Variants in GSTCD observed in about 807,000 individuals in gnomAD.
GSTCD encodes glutathione S-transferase C-terminal domain containing.
Under a neutral mutation model 68.3 loss-of-function variants are expected in GSTCD, and 44 were observed. The ratio of observed to expected loss-of-function variants is 0.64; its 90% CI spans 0.51 to 0.83. GSTCD has a LOEUF of 0.83. GSTCD is among the 40% of genes least tolerant of loss of function. GSTCD has a pLI of 0.00. For missense variants in GSTCD, 739 were observed against 735.9 expected, an observed-to-expected ratio of 1.00 and a Z score of -0.05; for synonymous variants, 273 against 255.2, an observed-to-expected ratio of 1.07 and a Z score of -0.67.
At chr4:105,818,815 C>T (rs1373812453) in intron 5 of GSTCD, among the ~76,000 whole-genome samples, 6 of 151,346 alleles carry the variant, frequency 4.0e-5, no homozygotes, top group African/African-American at 7.3e-5. Context: ...TCTAGAACAC[C>T]AGGGTTCAAA....
chr4:105,792,913 T>A (rs1189971433), intron 5 of GSTCD, among the ~76,000 whole-genome samples: 1 of 152,110 alleles, frequency 6.6e-6, no homozygotes, highest in Non-Finnish European at 1.5e-5. Context: ...ACAATCATTC[T>A]GAAATTCAAA....
At position 105,728,680 on chromosome 4, in the gene GSTCD, TATATAGATATAG is replaced by T. The variant is rs5860812; in HGVS notation, c.1147-700_1147-689del. Among the ~76,000 whole-genome samples, 65 of 146,946 alleles carry T rather than the reference TATATAGATATAG, an allele frequency of 4.4e-4. 2 individuals are homozygous for T. Among genetic ancestry groups the T allele is most frequent in the Middle Eastern group, 3.5e-3 (1 of 284 alleles). Reference sequence around the variant, plus strand: ...AGCCATGGAGATATCTAGATATAGATATATAGATATAGATATAGATATAGATATAGATATAGA... The same window carrying T: ...AGCCATGGAGATATCTAGATATAGATATATAGATATAGATATAGATATAGA... On this transcript the variant is annotated intron_variant, in intron 4 of 11. Transcript: ENST00000515279.
intron 10 of GSTCD, among the ~76,000 whole-genome samples, chr4:105,840,852 A>G (rs1300368677): frequency 1.3e-5 from 2 of 152,226 alleles, no homozygotes; most frequent in Non-Finnish European, 2.9e-5. Context: ...CACTTCCTGC[A>G]GCCTTTTGGA....
intron 11 of GSTCD, 25 bp from the exon 12 acceptor site, chr4:105,845,416 A>T (rs1724510112): frequency 6.2e-7 from 1 of 1,613,872 alleles, no homozygotes; most frequent in South Asian, 1.1e-5. Context: ...AGGGTGTCTC[A>T]TGATACCATT....
In GSTCD at chr4:105,718,045, TATA is replaced by T; in HGVS notation, c.426+9_426+11del. Reference sequence around the variant, plus strand: ...GCTTGAAAGCCTGTGCTGAAGTAAGTATAATGTCTTTTTTCTGTTATTTGAAGC... The same window carrying T: ...GCTTGAAAGCCTGTGCTGAAGTAAGTATGTCTTTTTTCTGTTATTTGAAGC... On this transcript the variant is annotated splice_region_variant and intron_variant, in intron 2 of 11. Transcript: ENST00000515279. The T allele has an allele frequency of 1.9e-6, 3 of 1,574,642 alleles. No homozygotes were observed. Among genetic ancestry groups the T allele is most frequent in the Non-Finnish European group, 2.6e-6 (3 of 1,164,726 alleles).
rs568894071 is a variant in GSTCD at position 105,755,326 on chromosome 4, G to A, written c.1240+25827G>A. Among the ~76,000 whole-genome samples, 5 of 151,554 alleles carry A rather than the reference G, an allele frequency of 3.3e-5. No individual in the cohort carries two copies. In the South Asian group the frequency reaches 1.0e-3, roughly 32 times the overall value. ...CTAGGAAGGAAAGAAGGAAGGGAGGGAGAGAGGTAGGGAGGTAAGGAGGGA... is the reference window on the plus strand; with the variant it reads ...CTAGGAAGGAAAGAAGGAAGGGAGGAAGAGAGGTAGGGAGGTAAGGAGGGA... On this transcript the variant is annotated intron_variant, in intron 5 of 11. Coordinates refer to ENST00000515279, the MANE Select transcript of GSTCD (RefSeq NM_001370181.1).
intron 5 of GSTCD, among the ~76,000 whole-genome samples, chr4:105,757,503 G>A (rs891540588): frequency 2.0e-5 from 3 of 152,218 alleles, no homozygotes; most frequent in African/African-American, 7.2e-5. Flanking sequence ...GAAATCATTG[G>A]TCAAAACACT....
intron 5 of GSTCD, among the ~76,000 whole-genome samples, chr4:105,795,444 T>C (rs1311110017): frequency 6.6e-6 from 1 of 152,102 alleles, no homozygotes; most frequent in Non-Finnish European, 1.5e-5. Context: ...AGGACAGTTT[T>C]TGTTGCATTG....
At chr4:105,789,202 C>T (rs1203705120) in intron 5 of GSTCD, among the ~76,000 whole-genome samples, 1 of 152,120 alleles carries the variant, frequency 6.6e-6, no homozygotes, top group Non-Finnish European at 1.5e-5. Flanking sequence ...CTCGTTTAAA[C>T]CAAACTCTTT....
At chr4:105,734,306 C>T (rs564304360) in intron 5 of GSTCD, among the ~76,000 whole-genome samples, 5 of 152,286 alleles carry the variant, frequency 3.3e-5, no homozygotes, top group South Asian at 4.2e-4. Context: ...CCATTCTCCC[C>T]GTCACTTTCA....
At chr4:105,838,688 T>C (rs1724217523) in intron 10 of GSTCD, among the ~76,000 whole-genome samples, 1 of 152,304 alleles carries the variant, frequency 6.6e-6, no homozygotes, top group South Asian at 2.1e-4. Flanking sequence ...ACATACATAG[T>C]TTTTAGTCAC....
At chr4:105,829,581 C>T (rs1268183414) in intron 8 of GSTCD, among the ~76,000 whole-genome samples, 2 of 152,104 alleles carry the variant, frequency 1.3e-5, no homozygotes, top group African/African-American at 2.4e-5. Context: ...CTTTATAAAA[C>T]GATCAGATTT....
intron 8 of GSTCD, among the ~76,000 whole-genome samples, chr4:105,833,272 C>G (rs938213149): frequency 2.0e-5 from 3 of 152,150 alleles, no homozygotes; most frequent in Admixed American, 1.3e-4. Flanking sequence ...GGAGACCAGC[C>G]TGACCAACAT....
intron 5 of GSTCD, among the ~76,000 whole-genome samples, chr4:105,762,879 C>G (rs1734466509): frequency 2.0e-5 from 3 of 152,132 alleles, no homozygotes; most frequent in Non-Finnish European, 4.4e-5. Flanking sequence ...GTTAGTCCAG[C>G]TGCTTTCAAT....
At chr4:105,742,902 A>G (rs1733676365) in intron 5 of GSTCD, among the ~76,000 whole-genome samples, 1 of 149,320 alleles carries the variant, frequency 6.7e-6, no homozygotes, top group African/African-American at 2.5e-5. Flanking sequence ...TTGTGTAGAG[A>G]CGGAGGTCAC....
chr4:105,841,169 A>G (rs1578528515), intron 10 of GSTCD, among the ~76,000 whole-genome samples: 1 of 152,000 alleles, frequency 6.6e-6, no homozygotes, highest in East Asian at 1.9e-4. Flanking sequence ...ATAAATAAAT[A>G]CAAAAATTAG....
At chr4:105,831,442 G>C (rs1723891670) in intron 8 of GSTCD, among the ~76,000 whole-genome samples, 1 of 152,120 alleles carries the variant, frequency 6.6e-6, no homozygotes, top group Non-Finnish European at 1.5e-5. Context: ...AGAGTAAATA[G>C]AGCATAGAGA....
chr4:105,744,386 A>G (rs943183957), intron 5 of GSTCD, among the ~76,000 whole-genome samples: 1 of 152,168 alleles, frequency 6.6e-6, no homozygotes, highest in Non-Finnish European at 1.5e-5. Flanking sequence ...CCTTGCACTC[A>G]CTAGTTTATA....
Position 105,759,283 on chromosome 4 carries a change from A to G in GSTCD, c.1240+29784A>G, listed in dbSNP as rs1234687717. On this transcript the variant is annotated intron_variant, in intron 5 of 11. Transcript: ENST00000515279. The stretch of plus-strand genomic sequence containing the variant: ...CTTTTTAAAATGTCAGCCTCTCTAC[A>G]TTGTGCTAACGGAATTCCCAAGAAT... Among the ~76,000 whole-genome samples, 3 of 152,242 alleles carry G rather than the reference A, an allele frequency of 2.0e-5. No individual in the cohort carries two copies. In the East Asian group the frequency reaches 5.8e-4, roughly 29 times the overall value.
Sources: allele counts gnomAD v4.1 joint callset (sites outside exome capture counted in the v4.1 genomes callset), GRCh38; gene constraint gnomAD v4.1.1; transcripts MANE v1.5; gene names NCBI Gene and HGNC (gene_info 2026-07-23, HGNC 2026-07-21).